Variants in IGFN1 observed in about 807,000 individuals in gnomAD.
IGFN1 encodes immunoglobulin like and fibronectin type III domain containing 1, also known as immunoglobulin-like and fibronectin type III domain-containing protein 1.
IGFN1 carries 253 observed loss-of-function variants against 289.5 expected under a neutral mutation model. The ratio of observed to expected loss-of-function variants is 0.87; its 90% CI spans 0.79 to 0.97. The LOEUF (loss-of-function observed/expected upper bound fraction) is 0.97. Ranked by LOEUF, IGFN1 falls within the 50% of genes least tolerant of loss-of-function variation. The probability of loss-of-function intolerance (pLI) is 0.00; values close to 1 mark genes in which losing one functional copy is unlikely to be tolerated. For missense variants in IGFN1, 4,470 were observed against 4,686.1 expected, an observed-to-expected ratio of 0.95 and a Z score of 1.35; for synonymous variants, 1,706 against 1,788.5, an observed-to-expected ratio of 0.95 and a Z score of 1.16.
At chr1:201,217,519 G>A in intron 17 of IGFN1, 59 bp downstream of exon 17, 1 of 1,568,622 alleles carries the variant, frequency 6.4e-7, no homozygotes, top group Non-Finnish European at 8.7e-7. Flanking sequence ...CAGGATCCCA[G>A]GGACTTTTCA....
At chr1:201,226,434 T>C (rs550189036) in intron 22 of IGFN1, among the ~76,000 whole-genome samples, 1 of 152,244 alleles carries the variant, frequency 6.6e-6, no homozygotes, top group African/African-American at 2.4e-5. Flanking sequence ...TAGAGGTTAA[T>C]GTTTCTCTGA....
At position 201,208,607 on chromosome 1, in the gene IGFN1, C is replaced by A. The variant is rs1207161567; in HGVS notation, c.3714C>A (p.Gly1238=). The A allele has an allele frequency of 1.1e-5, 16 of 1,507,190 alleles. No homozygotes were observed. Among genetic ancestry groups the A allele is most frequent in the South Asian group, 7.7e-5 (6 of 78,284 alleles). The allele number at this position is 1,507,190 out of a possible 1,614,324, so 93.4% of individuals were successfully genotyped here. A position where few individuals can be genotyped will look rare whatever the true frequency, so the allele number is the denominator to read the frequency against. The change falls in exon 12 of 24, where the codon GGC becomes GGA. Residue 1238 remains glycine, a synonymous_variant. Coordinates refer to ENST00000335211, the MANE Select transcript of IGFN1 (RefSeq NM_001164586.2). ...CAGCCTATGGAGAAAGGTCAAGGGG[C>A]CTTGGGCCTAGGAGTACAGGGCCAG... is the stretch of plus-strand genomic sequence containing the variant. ...VRTAYGERSR[G]LGPRSTGPGG...
intron 21 of IGFN1, 38 bp downstream of exon 21, chr1:201,224,912 C>G: frequency 4.6e-6 from 7 of 1,515,158 alleles, no homozygotes; most frequent in Non-Finnish European, 6.3e-6. Flanking sequence ...GACGCTGGCT[C>G]GGCCACTCAC....
In IGFN1 at chr1:201,206,890, A is replaced by G. The variant is rs10753895; in HGVS notation, c.1997A>G (p.Asp666Gly). 1,115,960 of 1,535,902 alleles carry G rather than the reference A, an allele frequency of 0.73. 406,454 individuals are homozygous for G. Among genetic ancestry groups the G allele is most frequent in the African/African-American group, 0.84 (61,458 of 73,026 alleles). Residue 666 changes from aspartate (D) to glycine (G), a missense_variant, in exon 12 of 24, where the codon GAC becomes GGC. Physicochemically the swap from Asp to Gly is moderately conservative, Grantham distance 94 (BLOSUM62 -1). This residue lies in a region of IGFN1 where 2,011 missense variants were observed against 1,953.4 expected (regional missense o/e 1.03). Coordinates refer to ENST00000335211, the MANE Select transcript of IGFN1 (RefSeq NM_001164586.2). ...GGGTGLGEAG[D>G]SNGAGGPGTL... is the part of the protein sequence containing the mutation. The stretch of plus-strand genomic sequence containing the variant: ...GGGACTGGCCTGGGAGAAGCTGGAG[A>G]CAGCAATGGGGCAGGAGGTCCTGGC...
chr1:201,228,401 C>T lies in IGFN1; in HGVS notation c.*2C>T. The stretch of plus-strand genomic sequence containing the variant: ...TGTCTTGCAGAACCCAGCACCTAGC[C>T]TCACCTCACCCTGGGATGGTCCTGG... On this transcript the variant is annotated 3_prime_UTR_variant, in exon 24 of 24. Coordinates refer to ENST00000335211, the MANE Select transcript of IGFN1 (RefSeq NM_001164586.2). The T allele has an allele frequency of 6.2e-7, 1 of 1,614,062 alleles. No homozygotes were observed. The highest frequency in any genetic ancestry group is 8.5e-7 in the Non-Finnish European group (1 of 1,179,958).
intron 6 of IGFN1, 49 bp from the exon 7 acceptor site, chr1:201,199,560 C>T (rs770357967): frequency 3.4e-5 from 52 of 1,527,234 alleles, no homozygotes; most frequent in Non-Finnish European, 4.4e-5. Context: ...TGCATCAACC[C>T]TCAGTCATCC....
Position 201,222,665 on chromosome 1 carries a change from C to T in IGFN1, c.10202-74C>T, listed in dbSNP as rs1558159908. The T allele has an allele frequency of 5.8e-6, 6 of 1,030,494 alleles. No homozygotes were observed. In the Admixed American group the frequency reaches 7.4e-5, roughly 13 times the overall value. 63.8% of individuals were successfully genotyped at this position (1,030,494 alleles called of 1,614,324 possible). On this transcript the variant is annotated intron_variant, in intron 19 of 23. Transcript: ENST00000335211. ...GGCCCAGTCTTCCCCTCCAGCCCTACCTTGCTGGGGACCTGGGGCTGGGGT... is the reference window on the plus strand; with the variant it reads ...GGCCCAGTCTTCCCCTCCAGCCCTATCTTGCTGGGGACCTGGGGCTGGGGT...
At position 201,209,197 on chromosome 1, in the gene IGFN1, G is replaced by A. The variant is rs1157839755; in HGVS notation, c.4304G>A (p.Gly1435Asp). 5 of 1,499,404 alleles carry A rather than the reference G, an allele frequency of 3.3e-6. No individual in the cohort carries two copies. Among genetic ancestry groups the A allele is most frequent in the Non-Finnish European group, 4.4e-6 (5 of 1,131,476 alleles). The allele number at this position is 1,499,404 out of a possible 1,614,324, so 92.9% of individuals were successfully genotyped here. The change falls in exon 12 of 24, where the codon GGC becomes GAC. Residue 1435 changes from glycine to aspartate, a missense_variant. Coordinates refer to ENST00000335211, the MANE Select transcript of IGFN1 (RefSeq NM_001164586.2). ...REDLGAPEGM[G>D]TGSKAGYRDG... ...GATTTGGGGGCTCCTGAGGGAATGG[G>A]CACAGGGAGCAAGGCAGGTTATAGG...
intron 21 of IGFN1, among the ~76,000 whole-genome samples, chr1:201,225,506 T>C (rs1815135): frequency 0.62 from 93,604 of 152,040 alleles, 31,904 homozygotes; most frequent in East Asian, 0.83. Flanking sequence ...GGCAGGAGAA[T>C]GGCGTGAACC....
At chr1:201,201,398 A>G (rs1015754058) in intron 8 of IGFN1, among the ~76,000 whole-genome samples, 1 of 152,210 alleles carries the variant, frequency 6.6e-6, no homozygotes, top group Admixed American at 6.5e-5. Flanking sequence ...ATTGGCTTTA[A>G]CACGGGACCT....
At chr1:201,197,151 G>T in intron 4 of IGFN1, 67 bp from the exon 5 acceptor site, 1 of 930,922 alleles carries the variant, frequency 1.1e-6, no homozygotes, top group Non-Finnish European at 1.7e-6. Context: ...CCAACACATA[G>T]CCGTGTCTAG....
At chr1:201,196,106 A>G in intron 4 of IGFN1, 128 bp downstream of exon 4, 2 of 955,546 alleles carry the variant, frequency 2.1e-6, no homozygotes, top group South Asian at 4.1e-5. Context: ...AATCCATTCA[A>G]CTCCATCTCG....
chr1:201,227,050 G>T lies in IGFN1; in HGVS notation c.10955G>T (p.Arg3652Leu). Residue 3652 changes from arginine (R) to leucine (L), a missense_variant, in exon 23 of 24, where the codon CGC becomes CTC. By Grantham distance (102) the Arg-to-Leu change is moderately radical. Coordinates refer to ENST00000335211, the MANE Select transcript of IGFN1 (RefSeq NM_001164586.2). ...RPHVTWFKNDRSLEGNPAVYS... is the reference protein window; with the variant it reads ...RPHVTWFKNDLSLEGNPAVYS... ...CACGTCACCTGGTTCAAGAATGACCGCAGCCTGGAAGGAAACCCCGCGGTG... is the reference window on the plus strand; with the variant it reads ...CACGTCACCTGGTTCAAGAATGACCTCAGCCTGGAAGGAAACCCCGCGGTG... 2 of 1,613,662 alleles carry T rather than the reference G, an allele frequency of 1.2e-6. No homozygotes were observed. Among genetic ancestry groups the T allele is most frequent in the Non-Finnish European group, 1.7e-6 (2 of 1,180,040 alleles).
intron 8 of IGFN1, among the ~76,000 whole-genome samples, chr1:201,201,083 G>A (rs985088794): frequency 6.6e-6 from 1 of 151,934 alleles, no homozygotes; most frequent in Non-Finnish European, 1.5e-5. Context: ...CGCCTGCCTC[G>A]GCCTCCCAAA....
chr1:201,199,445 C>T (rs1667055619), intron 6 of IGFN1, 67 bp downstream of exon 6: 3 of 1,494,520 alleles, frequency 2.0e-6, no homozygotes, highest in South Asian at 2.4e-5. Flanking sequence ...TCCTGGTGTT[C>T]CCTGCCTGGT....
chr1:201,214,951 C>G lies in IGFN1; in HGVS notation c.8854-62C>G, dbSNP rs1395771986. 1.8e-5 allele frequency: 28 copies of G among 1,561,824 alleles called. No homozygotes were observed. The East Asian group carries it at 6.3e-4, about 35-fold the overall frequency. On this transcript the variant is annotated intron_variant, in intron 13 of 23. Coordinates refer to ENST00000335211, the MANE Select transcript of IGFN1 (RefSeq NM_001164586.2). The stretch of plus-strand genomic sequence containing the variant: ...AGCATCAGTAAAGGGCTCTGGTTAG[C>G]TGGCCTGAAGGAACTGGGATGGGAG...
At position 201,222,794 on chromosome 1, in the gene IGFN1, C is replaced by G; in HGVS notation, c.10257C>G (p.Val3419=). Residue 3419 remains valine, a synonymous_variant, in exon 20 of 24, where the codon GTC becomes GTG. Transcript: ENST00000335211. ...CCAAGGACTTGCTGACAGTCAAGGT[C>G]GGGGACACAGTTCGTGTGCCCGTCT... is the stretch of plus-strand genomic sequence containing the variant. ...SSTKDLLTVK[V]GDTVRVPVSF... is the part of the protein sequence containing the mutation. The G allele has an allele frequency of 2.5e-6, 4 of 1,613,246 alleles. No homozygotes were observed. The highest frequency in any genetic ancestry group is 2.5e-6 in the Non-Finnish European group (3 of 1,179,502).
At position 201,202,800 on chromosome 1, in the gene IGFN1, G is replaced by A. The variant is rs1219051638; in HGVS notation, c.748-938G>A. Among the ~76,000 whole-genome samples the A allele has an allele frequency of 5.8e-5, 7 of 120,004 alleles. No homozygotes were observed. The East Asian group carries it at 1.7e-3, about 30-fold the overall frequency. 78.7% of individuals were successfully genotyped at this position (120,004 alleles called of 152,430 possible). A position where few individuals can be genotyped will look rare whatever the true frequency, so the allele number is the denominator to read the frequency against. ...TCCTTTCTTCTCATTCTGTTGCTCA[G>A]CCTGGAGTGCAGTGGTGCAATCTCG... On this transcript the variant is annotated intron_variant, in intron 9 of 23. Coordinates refer to ENST00000335211, the MANE Select transcript of IGFN1 (RefSeq NM_001164586.2).
At position 201,215,140 on chromosome 1, in the gene IGFN1, C is replaced by A. The variant is rs568960971; in HGVS notation, c.8981C>A (p.Thr2994Asn). 7.5e-5 allele frequency: 121 copies of A among 1,613,160 alleles called. 1 individual carries two copies. In the South Asian group the frequency reaches 1.2e-3, roughly 15 times the overall value. Residue 2994 changes from threonine to asparagine, a missense_variant, in exon 14 of 24, where the codon ACC (threonine) becomes AAC (asparagine). Physicochemically the swap from Thr to Asn is moderately conservative, Grantham distance 65 (BLOSUM62 0). Around this residue, in one of 8 missense-constraint regions of IGFN1, gnomAD observed 2,218 missense variants for 2,114.1 expected, o/e 1.05. Transcript: ENST00000335211. ...GCTGGTGACCAGCAGAGCGAGGCCACCCTGACCGTCCAGGGTAAGGCCCAG... is the reference window on the plus strand; with the variant it reads ...GCTGGTGACCAGCAGAGCGAGGCCAACCTGACCGTCCAGGGTAAGGCCCAG... Reference protein sequence around the residue: ...FVAGDQQSEATLTVQDSPTIA... With the variant: ...FVAGDQQSEANLTVQDSPTIA...
Sources: gnomAD v4.1 joint callset for allele counts (sites outside exome capture counted in the v4.1 genomes callset) on GRCh38, gnomAD v4.1.1 for gene constraint, gnomAD v4.1.1 regional missense constraint, MANE v1.5 for transcripts, NCBI Gene and HGNC (gene_info 2026-07-23, HGNC 2026-07-21) for gene names.